MECOM: variants seen among roughly 807,000 people sequenced by gnomAD.
The protein encoded by MECOM is MDS1 and EVI1 complex locus.
Under a neutral mutation model 116.3 loss-of-function variants are expected in MECOM, and 13 were observed. The ratio of observed to expected loss-of-function variants is 0.11; its 90% CI spans 0.07 to 0.18. The LOEUF (loss-of-function observed/expected upper bound fraction) is 0.18, where lower values mean the gene tolerates loss of function less well. Among genes scored for constraint, MECOM ranks in the 10% least tolerant of loss-of-function variants. The pLI is 1.00. For missense variants in MECOM, 1,299 were observed against 1,509.0 expected (o/e 0.86, Z 2.31); for synonymous variants, 528 against 535.2 (o/e 0.99, Z 0.19).
chr3:169,166,569 T>C (rs1284501880), intron 2 of MECOM, among the ~76,000 whole-genome samples: 2 of 152,134 alleles, frequency 1.3e-5, no homozygotes, highest in Non-Finnish European at 2.9e-5. Context: ...ATGCAATATG[T>C]CAAATCAATA....
intron 2 of MECOM, among the ~76,000 whole-genome samples, chr3:169,158,698 T>C (rs1742369202): frequency 6.6e-6 from 1 of 152,154 alleles, no homozygotes; most frequent in South Asian, 2.1e-4. Flanking sequence ...GAGGAAAAAT[T>C]TGATTATACT....
chr3:169,166,469 C>T (rs989429732), intron 2 of MECOM, among the ~76,000 whole-genome samples: 1 of 152,072 alleles, frequency 6.6e-6, no homozygotes, highest in Non-Finnish European at 1.5e-5. Context: ...TTTTCAAATC[C>T]TTCCCAGGTA....
intron 1 of MECOM, among the ~76,000 whole-genome samples, chr3:169,494,580 T>G (rs1255796090): frequency 6.6e-6 from 1 of 152,220 alleles, no homozygotes; most frequent in Non-Finnish European, 1.5e-5. Flanking sequence ...AACACCCCAT[T>G]GAATACACTC....
intron 1 of MECOM, among the ~76,000 whole-genome samples, chr3:169,472,613 G>GAAAGGAAAGAAAAGAAAAGAAAAGA (rs1749653469): frequency 2.1e-5 from 1 of 47,968 alleles, no homozygotes; most frequent in African/African-American, 1.4e-4. Context: ...GAAAGGAAAG[G>GAAAGGAAAGAAAAGAAAAGAAAAGA]AAAGAAAAGA....
chr3:169,635,306 A>C (rs1772597247), intron 1 of MECOM, among the ~76,000 whole-genome samples: 1 of 152,224 alleles, frequency 6.6e-6, no homozygotes, highest in African/African-American at 2.4e-5. Context: ...TATGAGCTTT[A>C]TTATTATCAT....
In MECOM at chr3:169,090,246, G is replaced by C. The variant is rs1210047424; in HGVS notation, c.3165-10C>G. On this transcript the variant is annotated splice_polypyrimidine_tract_variant and intron_variant, in intron 14 of 16. Transcript: ENST00000651503. ...ATGACTGCCATTCATTCTTTCAAAAGCATTAAAAAAAAAGTCCAATTGTTG... is the reference window on the plus strand; with the variant it reads ...ATGACTGCCATTCATTCTTTCAAAACCATTAAAAAAAAAGTCCAATTGTTG... 1 of 1,578,156 alleles carries C rather than the reference G, an allele frequency of 6.3e-7. No homozygotes were observed. The highest frequency in any genetic ancestry group is 1.2e-5 in the South Asian group (1 of 84,690).
Position 169,242,573 on chromosome 3 carries a change from A to T in MECOM, c.376-98741T>A, listed in dbSNP as rs573540886. The stretch of plus-strand genomic sequence containing the variant: ...CCTCCGACTGCTCGGCGCCAACCAC[A>T]ACATGCTACCCACCGTGAGAGAGCA... On this transcript the variant is annotated intron_variant, in intron 2 of 16. Transcript: ENST00000651503. Among the ~76,000 whole-genome samples, 39 of 152,104 alleles carry T rather than the reference A, an allele frequency of 2.6e-4. 1 individual carries two copies. The highest frequency in any genetic ancestry group is 8.7e-4 in the African/African-American group (36 of 41,500).
At chr3:169,507,942 G>C (rs764693839) in intron 1 of MECOM, among the ~76,000 whole-genome samples, 8 of 151,978 alleles carry the variant, frequency 5.3e-5, no homozygotes, top group African/African-American at 9.7e-5. Context: ...TCACAGGCAT[G>C]AGCCACCGCG....
chr3:169,417,462 G>A (rs1738862643), intron 1 of MECOM, among the ~76,000 whole-genome samples: 1 of 152,154 alleles, frequency 6.6e-6, no homozygotes, highest in African/African-American at 2.4e-5. Flanking sequence ...GAAACAACAG[G>A]TGCTGGAGTG....
At chr3:169,652,564 T>C (rs1164278440) in intron 1 of MECOM, among the ~76,000 whole-genome samples, 1 of 152,112 alleles carries the variant, frequency 6.6e-6, no homozygotes, top group African/African-American at 2.4e-5. Flanking sequence ...TCCTATTTTC[T>C]CTATAGAGAT....
At chr3:169,150,640 G>T (rs1423452595) in intron 2 of MECOM, among the ~76,000 whole-genome samples, 1 of 151,904 alleles carries the variant, frequency 6.6e-6, no homozygotes, top group Non-Finnish European at 1.5e-5. Flanking sequence ...TTCGGGGAAA[G>T]AAAAAAATGG....
rs575002087 is a variant in MECOM, at chr3:169,133,038, C to A, written c.511-1507G>T. 7.2e-5 allele frequency among the ~76,000 whole-genome samples: 11 copies of A among 151,910 alleles called. No individual in the cohort carries two copies. In the East Asian group the frequency reaches 1.5e-3, roughly 21 times the overall value. On this transcript the variant is annotated intron_variant, in intron 3 of 16. Coordinates refer to ENST00000651503, the MANE Select transcript of MECOM (RefSeq NM_004991.4). ...CAACGTCCTAGGATTACAAGTAAGC[C>A]ACTGCACCCAGCCCAGAATCAATCT...
At chr3:169,146,337 C>A in intron 2 of MECOM, 1 of 1,311,056 alleles carries the variant, frequency 7.6e-7, no homozygotes. Context: ...TCCAAAGTCG[C>A]GTGGCCAGTG....
intron 2 of MECOM, among the ~76,000 whole-genome samples, chr3:169,274,163 C>A (rs1013297036): frequency 6.6e-6 from 1 of 151,952 alleles, no homozygotes; most frequent in African/African-American, 2.4e-5. Flanking sequence ...CTGCCCTCCT[C>A]GACCTCACAA....
intron 2 of MECOM, among the ~76,000 whole-genome samples, chr3:169,234,477 A>G (rs1004974260): frequency 2.6e-5 from 4 of 152,128 alleles, no homozygotes; most frequent in Non-Finnish European, 5.9e-5. Context: ...AAAAGGGAAG[A>G]AAAGGGAAAT....
intron 16 of MECOM, among the ~76,000 whole-genome samples, chr3:169,086,214 A>G (rs1385981094): frequency 2.0e-5 from 3 of 152,174 alleles, no homozygotes; most frequent in Non-Finnish European, 4.4e-5. Context: ...ACAATATCTC[A>G]TGATCCATTT....
At chr3:169,557,677 G>A (rs1762194866) in intron 1 of MECOM, among the ~76,000 whole-genome samples, 1 of 152,152 alleles carries the variant, frequency 6.6e-6, no homozygotes, top group South Asian at 2.1e-4. Flanking sequence ...TCACTAACAA[G>A]TTTCACCCAG....
intron 1 of MECOM, among the ~76,000 whole-genome samples, chr3:169,433,631 A>AAG (rs200555246): frequency 0.029 from 4,037 of 138,932 alleles, 100 homozygotes; most frequent in Middle Eastern, 0.05. Flanking sequence ...AAAAGAAAGA[A>AAG]AGAGAAAGAG....
intron 1 of MECOM, among the ~76,000 whole-genome samples, chr3:169,649,869 T>G (rs1365937301): frequency 6.6e-6 from 1 of 152,228 alleles, no homozygotes; most frequent in East Asian, 1.9e-4. Flanking sequence ...AAATCCAATC[T>G]AAAATGTCCA....
Sources: allele counts gnomAD v4.1 joint callset (sites outside exome capture counted in the v4.1 genomes callset), GRCh38; gene constraint gnomAD v4.1.1; transcripts MANE v1.5; gene names NCBI Gene and HGNC (gene_info 2026-07-23, HGNC 2026-07-21).